Variants in WSCD1 observed in about 807,000 individuals in gnomAD.
WSCD1 encodes the protein WSC domain sialate O sulfotransferase 1.
WSCD1 carries 41 observed loss-of-function variants against 60.4 expected under a neutral mutation model. The observed-to-expected ratio is 0.68, with a 90% CI of 0.53 to 0.88. The LOEUF (loss-of-function observed/expected upper bound fraction) is 0.88. Among genes scored for constraint, WSCD1 ranks in the 40% least tolerant of loss-of-function variants. The pLI is 0.00. For missense variants in WSCD1, 784 were observed against 796.2 expected, an observed-to-expected ratio of 0.98 and a Z score of 0.18; for synonymous variants, 361 against 332.5, an observed-to-expected ratio of 1.09 and a Z score of -0.93.
Position 6,120,783 on chromosome 17 carries a change from C to CACCG in WSCD1, c.*122_*123insACCG. ...ACGAACGGTGGGTGGGGGGCTCACC[C>CACCG]TGGTGCTGCCTCCCGCACAAGGAGA... On this transcript the variant is annotated 3_prime_UTR_variant, in exon 9 of 9. Transcript: ENST00000317744. 3 of 998,774 alleles carry CACCG rather than the reference C, an allele frequency of 3.0e-6. No homozygotes were observed. Among genetic ancestry groups the CACCG allele is most frequent in the Non-Finnish European group, 4.3e-6 (3 of 694,834 alleles). 61.9% of individuals were successfully genotyped at this position (998,774 alleles called of 1,614,324 possible).
chr17:6,108,613 G>C (rs924336175), intron 5 of WSCD1, among the ~76,000 whole-genome samples: 2 of 152,178 alleles, frequency 1.3e-5, no homozygotes, highest in Non-Finnish European at 1.5e-5. Flanking sequence ...CCCGGTGCTG[G>C]GCACTTTGGA....
chr17:6,111,583 C>T (rs922327307), intron 7 of WSCD1, among the ~76,000 whole-genome samples: 1 of 151,748 alleles, frequency 6.6e-6, no homozygotes, highest in Non-Finnish European at 1.5e-5. Context: ...CGCCTGTAAT[C>T]CCAGCTACTC....
chr17:6,120,710 C>G lies in WSCD1; in HGVS notation c.*49C>G. The G allele has an allele frequency of 1.9e-6, 3 of 1,544,548 alleles. No homozygotes were observed. Among genetic ancestry groups the G allele is most frequent in the Non-Finnish European group, 2.6e-6 (3 of 1,139,748 alleles). On this transcript the variant is annotated 3_prime_UTR_variant, in exon 9 of 9. Coordinates refer to ENST00000317744, the MANE Select transcript of WSCD1 (RefSeq NM_015253.2). ...CCCGCTGAGTGACGCAATCGCACCA[C>G]GGGGCTGCGCTCCCCACTCTGATGC...
chr17:6,119,514 A>G (rs1904510535), intron 8 of WSCD1, among the ~76,000 whole-genome samples: 3 of 152,250 alleles, frequency 2.0e-5, no homozygotes, highest in African/African-American at 7.2e-5. Flanking sequence ...TGGCCAGACC[A>G]GCTTGTGCTC....
At chr17:6,106,383 C>T (rs1911086377) in intron 5 of WSCD1, among the ~76,000 whole-genome samples, 1 of 152,182 alleles carries the variant, frequency 6.6e-6, no homozygotes, top group South Asian at 2.1e-4. Context: ...GATGAATCAA[C>T]AAACCAGTGC....
At chr17:6,082,317 G>A (rs1457535420) in intron 2 of WSCD1, among the ~76,000 whole-genome samples, 1 of 152,046 alleles carries the variant, frequency 6.6e-6, no homozygotes, top group African/African-American at 2.4e-5. Flanking sequence ...GGAAGGGAAG[G>A]CAGCCAGTGA....
rs1009419650 is a variant in WSCD1 at position 6,070,406 on chromosome 17, C to A, written c.-535C>A. 9.5e-4 allele frequency: 140 copies of A among 146,806 alleles called. No individual in the cohort carries two copies. Among genetic ancestry groups the A allele is most frequent in the Non-Finnish European group, 1.7e-3 (113 of 65,762 alleles). The allele number at this position is 146,806 out of a possible 1,614,324, so 9.1% of individuals were successfully genotyped here. ...AGAGCCCGGCGCCCGCTCGCCCGCC[C>A]GCTGCCCGCCCCGGCTCCGCGCCCG... is the stretch of plus-strand genomic sequence containing the variant. On this transcript the variant is annotated 5_prime_UTR_variant, in exon 1 of 9. Coordinates refer to ENST00000317744, the MANE Select transcript of WSCD1 (RefSeq NM_015253.2).
intron 5 of WSCD1, among the ~76,000 whole-genome samples, chr17:6,097,529 T>C (rs73974668): frequency 0.023 from 3,470 of 152,328 alleles, 122 homozygotes; most frequent in African/African-American, 0.072. Context: ...TCTCGGAGAT[T>C]GTCTCACGTC....
At chr17:6,072,565 C>T (rs1344447689) in intron 1 of WSCD1, among the ~76,000 whole-genome samples, 1 of 152,196 alleles carries the variant, frequency 6.6e-6, no homozygotes, top group Non-Finnish European at 1.5e-5. Flanking sequence ...ACAATGAGGT[C>T]AAGGCCAAGG....
intron 5 of WSCD1, among the ~76,000 whole-genome samples, chr17:6,104,759 G>A (rs1433048479): frequency 1.3e-5 from 2 of 152,214 alleles, no homozygotes; most frequent in Non-Finnish European, 2.9e-5. Flanking sequence ...TGGAAACCCA[G>A]CACATCCATG....
At chr17:6,103,320 G>A (rs554699165) in intron 5 of WSCD1, among the ~76,000 whole-genome samples, 6 of 152,218 alleles carry the variant, frequency 3.9e-5, no homozygotes, top group South Asian at 2.1e-4. Context: ...AGTTCTTTCA[G>A]TGTGTGGGGG....
intron 5 of WSCD1, among the ~76,000 whole-genome samples, chr17:6,103,968 G>A (rs1159674769): frequency 1.3e-5 from 2 of 152,174 alleles, no homozygotes; most frequent in South Asian, 4.1e-4. Context: ...TTGCTATAAA[G>A]GAATACCTGA....
chr17:6,120,549 A>C lies in WSCD1; in HGVS notation c.1616A>C (p.Glu539Ala). Residue 539 changes from glutamate (E) to alanine (A), a missense_variant, in exon 9 of 9, where the codon GAG (glutamate) becomes GCG (alanine). Glu to Ala is a moderately radical substitution (Grantham distance 107). Coordinates refer to ENST00000317744, the MANE Select transcript of WSCD1 (RefSeq NM_015253.2). ...RRRGRRSHDP[E>A]PFTPEMKDLI... Reference sequence around the variant, plus strand: ...CGCGGCCGGCGCTCCCACGACCCTGAGCCCTTCACCCCGGAGATGAAAGAC... The same window carrying C: ...CGCGGCCGGCGCTCCCACGACCCTGCGCCCTTCACCCCGGAGATGAAAGAC... The C allele has an allele frequency of 1.2e-6, 2 of 1,613,804 alleles. No individual in the cohort carries two copies. The highest frequency in any genetic ancestry group is 1.7e-6 in the Non-Finnish European group (2 of 1,179,996).
At chr17:6,107,704 G>A (rs996371377) in intron 5 of WSCD1, among the ~76,000 whole-genome samples, 3 of 152,154 alleles carry the variant, frequency 2.0e-5, no homozygotes, top group Admixed American at 1.3e-4. Flanking sequence ...TGTGATGAAG[G>A]TGTTGGTGTG....
At chr17:6,074,171 C>A (rs1031127112) in intron 1 of WSCD1, among the ~76,000 whole-genome samples, 3 of 152,150 alleles carry the variant, frequency 2.0e-5, no homozygotes, top group Admixed American at 2.0e-4. Flanking sequence ...ATGTTTTATA[C>A]CCTTTTAGCA....
intron 4 of WSCD1, among the ~76,000 whole-genome samples, chr17:6,091,893 A>T (rs561937701): frequency 6.6e-6 from 1 of 152,218 alleles, no homozygotes; most frequent in Non-Finnish European, 1.5e-5. Context: ...GCGGTGGCTC[A>T]CGCCTGTAAT....
chr17:6,117,919 G>A (rs1904390901), intron 7 of WSCD1, 69 bp from the exon 8 acceptor site: 1 of 1,528,964 alleles, frequency 6.5e-7, no homozygotes, highest in Non-Finnish European at 9.0e-7. Flanking sequence ...TACCCAATCT[G>A]TCTGCTGCTA....
chr17:6,115,787 A>T (rs996667612), intron 7 of WSCD1, among the ~76,000 whole-genome samples: 1 of 146,878 alleles, frequency 6.8e-6, no homozygotes, highest in Non-Finnish European at 1.5e-5. Context: ...AGAGACAGGG[A>T]GGTTTACCAT....
intron 1 of WSCD1, among the ~76,000 whole-genome samples, chr17:6,078,375 A>G (rs1909001838): frequency 6.6e-6 from 1 of 152,156 alleles, no homozygotes. Context: ...GGGGCTGTGG[A>G]AAGACTGAGG....
Sources: allele counts gnomAD v4.1 joint callset (sites outside exome capture counted in the v4.1 genomes callset), GRCh38; gene constraint gnomAD v4.1.1; transcripts MANE v1.5; gene names NCBI Gene and HGNC (gene_info 2026-07-23, HGNC 2026-07-21).